The following UBE2D2 variants were observed in gnomAD, a reference collection of about 807,000 sequenced individuals.
UBE2D2 encodes the protein ubiquitin-conjugating enzyme E2 D2.
UBE2D2 carries 2 observed loss-of-function variants against 24.2 expected under a neutral mutation model. That is an observed-to-expected ratio of 0.08 (90% CI 0.03 to 0.26). The LOEUF (loss-of-function observed/expected upper bound fraction) is 0.26, where lower values mean the gene tolerates loss of function less well. UBE2D2 is among the 10% of genes least tolerant of loss of function. UBE2D2 has a pLI of 1.00. For synonymous variants in UBE2D2, 58 were observed against 56.5 expected, an observed-to-expected ratio of 1.03 and a Z score of -0.12; for missense variants, 44 against 177.6, an observed-to-expected ratio of 0.25 and a Z score of 4.28.
chr5:139,591,309 A>G (rs1475595194), intron 1 of UBE2D2, among the ~76,000 whole-genome samples: 1 of 138,586 alleles, frequency 7.2e-6, no homozygotes, highest in African/African-American at 2.7e-5. Flanking sequence ...TAGTAGAGAC[A>G]GGGTTTCTCC....
At chr5:139,576,325 A>G (rs762784345) in intron 1 of UBE2D2, among the ~76,000 whole-genome samples, 22 of 152,026 alleles carry the variant, frequency 1.4e-4, no homozygotes, top group East Asian at 3.9e-4. Context: ...GCCTCTTCCA[A>G]CTTTGGTGGA....
At chr5:139,566,502 G>A (rs1342153758) in intron 1 of UBE2D2, among the ~76,000 whole-genome samples, 2 of 150,522 alleles carry the variant, frequency 1.3e-5, no homozygotes, top group Non-Finnish European at 2.9e-5. Flanking sequence ...GACGAAACAT[G>A]GTCTTTACAA....
chr5:139,554,437 C>T (rs1346448998), intron 1 of UBE2D2, among the ~76,000 whole-genome samples: 6 of 152,232 alleles, frequency 3.9e-5, no homozygotes, highest in African/African-American at 1.4e-4. Context: ...TGGAATCATA[C>T]AGCCCATATT....
At chr5:139,598,919 C>CTTTTTT (rs36027909) in intron 1 of UBE2D2, among the ~76,000 whole-genome samples, 1 of 76,204 alleles carries the variant, frequency 1.3e-5, no homozygotes, top group East Asian at 3.6e-4. Flanking sequence ...AAATATATTC[C>CTTTTTT]TTTTTTTTTT....
At chr5:139,564,991 G>A (rs1394697599) in intron 1 of UBE2D2, among the ~76,000 whole-genome samples, 3 of 152,044 alleles carry the variant, frequency 2.0e-5, no homozygotes, top group Admixed American at 1.3e-4. Flanking sequence ...GATAAGATCA[G>A]TTCTATCTTA....
intron 1 of UBE2D2, among the ~76,000 whole-genome samples, chr5:139,577,634 G>A (rs944884175): frequency 3.3e-5 from 5 of 152,004 alleles, no homozygotes; most frequent in African/African-American, 7.2e-5. Flanking sequence ...GGCTGGTCTC[G>A]AACTCCTGAC....
intron 1 of UBE2D2, among the ~76,000 whole-genome samples, chr5:139,572,664 G>A (rs79302141): frequency 1.1e-5 from 1 of 90,112 alleles, no homozygotes; most frequent in Admixed American, 1.2e-4. Flanking sequence ...TTTTTTTTTT[G>A]AGACAGAGAC....
At chr5:139,600,204 C>A (rs1300939528) in intron 1 of UBE2D2, 168 bp from the exon 2 acceptor site, 8 of 788,608 alleles carry the variant, frequency 1.0e-5, no homozygotes, top group Non-Finnish European at 1.7e-5. Context: ...CTTGAAGAAT[C>A]CAAAATACCT....
chr5:139,611,176 T>C (rs979679341), intron 2 of UBE2D2, among the ~76,000 whole-genome samples: 1 of 3,778 alleles, frequency 2.6e-4, no homozygotes, highest in Non-Finnish European at 7.5e-4. Flanking sequence ...GTTTTCCTTC[T>C]TTTTTTTTTT....
intron 5 of UBE2D2, among the ~76,000 whole-genome samples, chr5:139,620,738 G>A (rs1754498733): frequency 6.6e-6 from 1 of 152,190 alleles, no homozygotes; most frequent in African/African-American, 2.4e-5. Context: ...GAATATGAGC[G>A]AATCCTTTCC....
intron 6 of UBE2D2, among the ~76,000 whole-genome samples, chr5:139,625,744 A>G (rs2126712420): frequency 6.6e-6 from 1 of 151,836 alleles, no homozygotes; most frequent in South Asian, 2.1e-4. Flanking sequence ...AGCTGGGATT[A>G]CAGGCGCACA....
At chr5:139,548,193 AAAAT>A (rs1388715344) in intron 1 of UBE2D2, among the ~76,000 whole-genome samples, 147 of 46,976 alleles carry the variant, frequency 3.1e-3, no homozygotes, top group African/African-American at 8.0e-3. Context: ...ATAAAAAAAA[AAAAT>A]AAATAAATAA....
rs1181576165 is a variant in UBE2D2, at chr5:139,547,169, T to C, written c.-64+20557T>C. On this transcript the variant is annotated intron_variant, in intron 1 of 6. Coordinates refer to the UBE2D2 transcript ENST00000511725. ...AGACAGGCGTAGTGGCGGGCGCCTGTAGTCCCAGCTACACGGGAGGCTGAG... is the reference window on the plus strand; with the variant it reads ...AGACAGGCGTAGTGGCGGGCGCCTGCAGTCCCAGCTACACGGGAGGCTGAG... Among the ~76,000 whole-genome samples, 4 of 151,656 alleles carry C rather than the reference T, an allele frequency of 2.6e-5. No individual in the cohort carries two copies. The East Asian group carries it at 8.0e-4, about 30-fold the overall frequency.
upstream of UBE2D2, among the ~76,000 whole-genome samples, chr5:139,558,793 C>A (rs1753014339): frequency 6.6e-6 from 1 of 151,950 alleles, no homozygotes; most frequent in Non-Finnish European, 1.5e-5. Flanking sequence ...GTATGTCTTA[C>A]AACAAATACA....
chr5:139,558,899 C>G (rs2126643587), upstream of UBE2D2, among the ~76,000 whole-genome samples: 1 of 152,082 alleles, frequency 6.6e-6, no homozygotes. Flanking sequence ...CACCCAGGCT[C>G]AAGCTATCCT....
chr5:139,580,530 C>T (rs1436394104), intron 1 of UBE2D2, among the ~76,000 whole-genome samples: 7 of 152,266 alleles, frequency 4.6e-5, no homozygotes, highest in East Asian at 3.9e-4. Flanking sequence ...GGCGCGATCT[C>T]GGCTTACTGC....
In UBE2D2 at chr5:139,561,538, C is replaced by CGGCGGCGGCGGTGGCGGCTAG. The variant is rs1253050714; in HGVS notation, c.-243_-223dup. 5.3e-5 allele frequency: 22 copies of CGGCGGCGGCGGTGGCGGCTAG among 416,342 alleles called. 1 individual carries two copies. In the Admixed American group the frequency reaches 7.6e-4, roughly 14 times the overall value. The allele number at this position is 416,342 out of a possible 1,614,324, so 25.8% of individuals were successfully genotyped here. Reference sequence around the variant, plus strand: ...TCCTGGGAGGAAGAGGCAGCTACGGCGGCGGCGGCGGTGGCGGCTAGGGCG... The same window carrying CGGCGGCGGCGGTGGCGGCTAG: ...TCCTGGGAGGAAGAGGCAGCTACGGCGGCGGCGGCGGTGGCGGCTAGGGCGGCGGCGGTGGCGGCTAGGGCG... On this transcript the variant is annotated 5_prime_UTR_variant, in exon 1 of 7. Coordinates refer to ENST00000398733, the MANE Select transcript of UBE2D2 (RefSeq NM_003339.3).
intron 1 of UBE2D2, among the ~76,000 whole-genome samples, chr5:139,585,508 A>G (rs1366148134): frequency 6.6e-6 from 1 of 152,044 alleles, no homozygotes; most frequent in Non-Finnish European, 1.5e-5. Flanking sequence ...GATTATAGCC[A>G]TGAGTCCCTG....
chr5:139,549,571 A>C (rs1335594300), intron 1 of UBE2D2, among the ~76,000 whole-genome samples: 3 of 152,116 alleles, frequency 2.0e-5, no homozygotes. Flanking sequence ...GGGCCTCAGC[A>C]CCTGCCCGCA....
Sources: gnomAD v4.1 joint callset for allele counts (sites outside exome capture counted in the v4.1 genomes callset) on GRCh38, gnomAD v4.1.1 for gene constraint, MANE v1.5 for transcripts, NCBI Gene and HGNC (gene_info 2026-07-23, HGNC 2026-07-21) for gene names.